NUP133: variants seen among roughly 807,000 people sequenced by gnomAD.
The protein encoded by NUP133 is nuclear pore complex protein Nup133.
In NUP133, 66 loss-of-function variants were observed where a neutral mutation model predicts 146.2. That is an observed-to-expected ratio of 0.45 (90% CI 0.37 to 0.55). NUP133 has a LOEUF of 0.55. NUP133 is among the 20% of genes least tolerant of loss of function. NUP133 has a pLI of 0.00. For missense variants in NUP133, 1,277 were observed against 1,374.8 expected, an observed-to-expected ratio of 0.93 and a Z score of 1.12; for synonymous variants, 521 against 498.8, an observed-to-expected ratio of 1.04 and a Z score of -0.59.
In NUP133 at chr1:229,444,866, T is replaced by C. The variant is rs768335186; in HGVS notation, c.3334+48A>G. 15 of 1,322,228 alleles carry C rather than the reference T, an allele frequency of 1.1e-5. No homozygotes were observed. The South Asian group carries it at 1.6e-4, about 15-fold the overall frequency. 81.9% of individuals were successfully genotyped at this position (1,322,228 alleles called of 1,614,324 possible). ...CGTCTCAAAAAAAAACCCAAAAAAC[T>C]GAGGAATGACACTGTAATTTCCAAC... On this transcript the variant is annotated intron_variant, in intron 25 of 25. Transcript: ENST00000261396.
At chr1:229,482,787 T>G (rs1048890493) in intron 12 of NUP133, among the ~76,000 whole-genome samples, 1 of 151,790 alleles carries the variant, frequency 6.6e-6, no homozygotes, top group African/African-American at 2.4e-5. Flanking sequence ...ACTTAAAGAG[T>G]GTGCACTGAC....
At position 229,452,630 on chromosome 1, in the gene NUP133, C is replaced by T; in HGVS notation, c.2994G>A (p.Gln998=). The T allele has an allele frequency of 6.2e-7, 1 of 1,611,444 alleles. No individual in the cohort carries two copies. Among genetic ancestry groups the T allele is most frequent in the Non-Finnish European group, 8.5e-7 (1 of 1,178,298 alleles). ...LQEKIEEMAE[Q]ERFLLHQETL... Reference sequence around the variant, plus strand: ...TCTCCTGATGCAGTAGAAAGCGCTCCTGCTCAGCCATTTCTAGTATTCAAG... The same window carrying T: ...TCTCCTGATGCAGTAGAAAGCGCTCTTGCTCAGCCATTTCTAGTATTCAAG... The change falls in exon 22 of 26, where the codon CAG becomes CAA. Residue 998 remains glutamine (Q), a synonymous_variant. Transcript: ENST00000261396.
chr1:229,458,105 A>G, intron 21 of NUP133, 56 bp downstream of exon 21: 1 of 1,570,746 alleles, frequency 6.4e-7, no homozygotes. Context: ...GGAACACATC[A>G]TGAGTTAATT....
In NUP133 at chr1:229,487,384, G is replaced by C. The variant is rs6678721; in HGVS notation, c.1342+82C>G. The C allele has an allele frequency of 0.2, 260,854 of 1,318,384 alleles. 26,830 individuals are homozygous for C. Among genetic ancestry groups the C allele is most frequent in the Middle Eastern group, 0.24 (1,318 of 5,412 alleles). 81.7% of individuals were successfully genotyped at this position (1,318,384 alleles called of 1,614,324 possible). On this transcript the variant is annotated intron_variant, in intron 10 of 25. Transcript: ENST00000261396. ...AACATTTGAAAGCAGCATGCTTGAAGTGACATTCAGGGAAAGAGAAAAAAA... is the reference window on the plus strand; with the variant it reads ...AACATTTGAAAGCAGCATGCTTGAACTGACATTCAGGGAAAGAGAAAAAAA...
At chr1:229,464,949 A>C in intron 17 of NUP133, 74 bp from the exon 18 acceptor site, 1 of 1,547,294 alleles carries the variant, frequency 6.5e-7, no homozygotes, top group Non-Finnish European at 8.8e-7. Context: ...TAATAGCATA[A>C]AAATTATGCC....
At chr1:229,471,266 G>A (rs994774703) in intron 14 of NUP133, among the ~76,000 whole-genome samples, 1 of 151,984 alleles carries the variant, frequency 6.6e-6, no homozygotes, top group Non-Finnish European at 1.5e-5. Context: ...CACCACAACA[G>A]GATAATTTTT....
Position 229,484,100 on chromosome 1 carries a change from C to T in NUP133, c.1546G>A (p.Glu516Lys), listed in dbSNP as rs1403633402. The T allele has an allele frequency of 6.2e-6, 10 of 1,613,414 alleles. No homozygotes were observed. The South Asian group carries it at 9.9e-5, about 16-fold the overall frequency. Residue 516 changes from glutamate (E) to lysine (K), a missense_variant, in exon 12 of 26, where the codon GAA becomes AAA. By Grantham distance (56) the Glu-to-Lys change is moderately conservative. This residue lies in a region of NUP133 where 952 missense variants were observed against 1,047.0 expected (regional missense o/e 0.91). Coordinates refer to ENST00000261396, the MANE Select transcript of NUP133 (RefSeq NM_018230.3). Reference protein sequence around the residue: ...TTTKNETIAQEDKIKLLKAAF... With the variant: ...TTTKNETIAQKDKIKLLKAAF... The stretch of plus-strand genomic sequence containing the variant: ...GCTTTCAGCAACTTGATTTTATCTT[C>T]CTGGGCTATAGTTTCATTCTTTGTA...
chr1:229,496,891 G>T (rs6587338), intron 6 of NUP133, among the ~76,000 whole-genome samples: 28,900 of 152,130 alleles, frequency 0.19, 2,951 homozygotes, highest in Middle Eastern at 0.25. Flanking sequence ...AATGTGAATT[G>T]GTAAGTGTAG....
At chr1:229,484,261 C>T (rs371366031) in intron 11 of NUP133, 116 bp from the exon 12 acceptor site, 44 of 650,588 alleles carry the variant, frequency 6.8e-5, no homozygotes, top group South Asian at 3.8e-4. Flanking sequence ...AGCTGTTTGC[C>T]GTATTGTCTG....
intron 15 of NUP133, among the ~76,000 whole-genome samples, chr1:229,469,229 A>AC (rs1411386440): frequency 6.6e-6 from 1 of 152,246 alleles, no homozygotes; most frequent in African/African-American, 2.4e-5. Flanking sequence ...AGTTAAGACA[A>AC]CAGGTCTAAG....
intron 22 of NUP133, 65 bp from the exon 23 acceptor site, chr1:229,450,670 G>A (rs1660427319): frequency 5.2e-6 from 4 of 769,148 alleles, no homozygotes; most frequent in Non-Finnish European, 8.4e-6. Flanking sequence ...AGACATTTAT[G>A]GAGAAAAGAA....
intron 8 of NUP133, among the ~76,000 whole-genome samples, chr1:229,491,929 T>C (rs1245519321): frequency 6.6e-6 from 1 of 152,198 alleles, no homozygotes; most frequent in Non-Finnish European, 1.5e-5. Context: ...AACATATATA[T>C]TTAAAATGCT....
chr1:229,497,791 C>T (rs531077362), intron 6 of NUP133, among the ~76,000 whole-genome samples: 8 of 152,320 alleles, frequency 5.3e-5, no homozygotes, highest in African/African-American at 1.7e-4. Context: ...TTTCAGTCAT[C>T]CACACAGACA....
At chr1:229,506,818 CT>C (rs1182918428) in intron 1 of NUP133, among the ~76,000 whole-genome samples, 1 of 64,856 alleles carries the variant, frequency 1.5e-5, no homozygotes, top group African/African-American at 4.6e-5. Context: ...GACCCTGTCT[CT>C]TTAAAAAAAA....
chr1:229,487,531 T>A lies in NUP133; in HGVS notation c.1277A>T (p.Tyr426Phe). ...TTTCCCAGTTCCTGTGGAGCACACA[T>A]AGACAGCACTTTCGTTATACAGATA... Reference protein sequence around the residue: ...TAYLYNESAVYVCSTGTGKFS... With the variant: ...TAYLYNESAVFVCSTGTGKFS... The change falls in exon 10 of 26, where the codon TAT (tyrosine) becomes TTT (phenylalanine). Residue 426 changes from tyrosine to phenylalanine, a missense_variant. By Grantham distance (22) the Tyr-to-Phe change is conservative (BLOSUM62 3). Coordinates refer to ENST00000261396, the MANE Select transcript of NUP133 (RefSeq NM_018230.3). 6.2e-7 allele frequency: 1 copy of A among 1,613,840 alleles called. No individual in the cohort carries two copies. The highest frequency in any genetic ancestry group is 1.1e-5 in the South Asian group (1 of 91,026).
chr1:229,504,689 T>C (rs1661889122), intron 2 of NUP133, among the ~76,000 whole-genome samples: 1 of 152,204 alleles, frequency 6.6e-6, no homozygotes, highest in Non-Finnish European at 1.5e-5. Context: ...GGAAACTTCA[T>C]AAACCTGATC....
In NUP133 at chr1:229,508,278, G is replaced by C; in HGVS notation, c.-29C>G. On this transcript the variant is annotated 5_prime_UTR_variant, in exon 1 of 26. Transcript: ENST00000261396. ...TCCAAGGAGCAGCGACTAGGACAGC[G>C]AGGGATCTGGCCGTCAGGTTGCAGC... 7.1e-7 allele frequency: 1 copy of C among 1,414,068 alleles called. No homozygotes were observed. Among genetic ancestry groups the C allele is most frequent in the Non-Finnish European group, 9.3e-7 (1 of 1,076,102 alleles). The allele number at this position is 1,414,068 out of a possible 1,614,324, so 87.6% of individuals were successfully genotyped here.
chr1:229,499,591 A>G, intron 5 of NUP133, 93 bp downstream of exon 5: 1 of 1,336,718 alleles, frequency 7.5e-7, no homozygotes, highest in Non-Finnish European at 1.0e-6. Context: ...CAACATAAGG[A>G]GATCCCACCT....
At chr1:229,482,697 C>T (rs1001400678) in intron 12 of NUP133, among the ~76,000 whole-genome samples, 5 of 152,136 alleles carry the variant, frequency 3.3e-5, no homozygotes, top group African/African-American at 7.2e-5. Context: ...ACCCCATACG[C>T]GCATCTGCTT....
Sources: allele counts gnomAD v4.1 joint callset (sites outside exome capture counted in the v4.1 genomes callset), GRCh38; gene constraint gnomAD v4.1.1; regional missense constraint gnomAD v4.1.1; transcripts MANE v1.5; gene names NCBI Gene and HGNC (gene_info 2026-07-23, HGNC 2026-07-21).